ORC3: variants seen among roughly 807,000 people sequenced by gnomAD.
ORC3 encodes origin recognition complex subunit 3.
A neutral mutation model predicts 100.7 loss-of-function variants in ORC3; 78 were observed. That is an observed-to-expected ratio of 0.77 (90% CI 0.65 to 0.94). The LOEUF (loss-of-function observed/expected upper bound fraction) is 0.94, where lower values mean the gene tolerates loss of function less well. Ranked by LOEUF, ORC3 falls within the 40% of genes least tolerant of loss-of-function variation. ORC3 has a pLI of 0.00. For missense variants in ORC3, 789 were observed against 823.9 expected, an observed-to-expected ratio of 0.96 and a Z score of 0.52; for synonymous variants, 295 against 289.3, an observed-to-expected ratio of 1.02 and a Z score of -0.20.
At chr6:87,651,261 T>C (rs1474673517) in intron 13 of ORC3, 1 of 456,274 alleles carries the variant, frequency 2.2e-6, no homozygotes, top group Non-Finnish European at 4.4e-6. Context: ...AGCTAATCCT[T>C]CACATGCTGC....
rs1002442019 is a variant in ORC3 at position 87,663,211 on chromosome 6, A to G, written c.1833+67A>G. The G allele has an allele frequency of 4.8e-6, 6 of 1,239,548 alleles. No individual in the cohort carries two copies. In the African/African-American group the frequency reaches 8.8e-5, roughly 18 times the overall value. 76.8% of individuals were successfully genotyped at this position (1,239,548 alleles called of 1,614,324 possible). On this transcript the variant is annotated intron_variant, in intron 17 of 19. Transcript: ENST00000392844. ...CTGGGCGTCATTGTCATAAAAATATACTAAATTTGCAGTTATGTTTTAATG... is the reference window on the plus strand; with the variant it reads ...CTGGGCGTCATTGTCATAAAAATATGCTAAATTTGCAGTTATGTTTTAATG...
At chr6:87,622,742 AATTAT>A (rs1391731257) in intron 11 of ORC3, among the ~76,000 whole-genome samples, 8 of 152,160 alleles carry the variant, frequency 5.3e-5, no homozygotes, top group Admixed American at 3.3e-4. Flanking sequence ...ACATACAAGT[AATTAT>A]ATTATATTTT....
chr6:87,653,305 T>C, intron 14 of ORC3, 56 bp downstream of exon 14: 1 of 1,553,152 alleles, frequency 6.4e-7, no homozygotes, highest in South Asian at 1.2e-5. Context: ...TTAACTAAAA[T>C]GGCATGGAAA....
rs188315277 is a variant in ORC3 at position 87,594,736 on chromosome 6, G to T, written c.79+329G>T. ...ACTTTAGAAATGAAAGTGAGTTTCT[G>T]CTAGAGAAACATTTTGATCCTTGAT... On this transcript the variant is annotated intron_variant, in intron 2 of 19. Transcript: ENST00000392844. 2.4e-3 allele frequency: 534 copies of T among 221,370 alleles called. 1 individual carries two copies. Among genetic ancestry groups the T allele is most frequent in the African/African-American group, 0.011 (493 of 43,560 alleles). 13.7% of individuals were successfully genotyped at this position (221,370 alleles called of 1,614,324 possible). A position where few individuals can be genotyped will look rare whatever the true frequency, so the allele number is the denominator to read the frequency against.
At chr6:87,643,544 C>T (rs7757953) in intron 13 of ORC3, among the ~76,000 whole-genome samples, 3,837 of 152,110 alleles carry the variant, frequency 0.025, 79 homozygotes, top group Non-Finnish European at 0.042. Context: ...AACTGGACTG[C>T]GGTATTCCGC....
chr6:87,607,652 C>T, intron 5 of ORC3, 21 bp from the exon 6 acceptor site: 2 of 1,559,798 alleles, frequency 1.3e-6, no homozygotes, highest in Non-Finnish European at 1.7e-6. Flanking sequence ...GATAAGCTTT[C>T]TTACTTTTTA....
intron 11 of ORC3, among the ~76,000 whole-genome samples, chr6:87,633,221 C>A (rs114380192): frequency 2.4e-3 from 373 of 152,272 alleles, no homozygotes; most frequent in African/African-American, 7.6e-3. Flanking sequence ...TCAAAATATT[C>A]CCCCTGTTTA....
intron 13 of ORC3, among the ~76,000 whole-genome samples, chr6:87,642,707 C>T (rs1427731418): frequency 2.6e-5 from 4 of 151,368 alleles, no homozygotes; most frequent in African/African-American, 9.7e-5. Flanking sequence ...TTGAGACCAT[C>T]CTGGCTAACA....
At chr6:87,652,123 C>T (rs1769324530) in intron 13 of ORC3, among the ~76,000 whole-genome samples, 1 of 152,160 alleles carries the variant, frequency 6.6e-6, no homozygotes, top group Admixed American at 6.5e-5. Flanking sequence ...TGGTCTTGAT[C>T]TCCTGACCTC....
At chr6:87,606,942 G>A (rs976801711) in intron 5 of ORC3, among the ~76,000 whole-genome samples, 4 of 152,120 alleles carry the variant, frequency 2.6e-5, no homozygotes, top group Admixed American at 1.3e-4. Context: ...TTGAAATTAA[G>A]TAAAAGCCCT....
At chr6:87,603,098 G>C (rs1347482624) in intron 3 of ORC3, among the ~76,000 whole-genome samples, 4 of 150,238 alleles carry the variant, frequency 2.7e-5, no homozygotes, top group Non-Finnish European at 5.9e-5. Flanking sequence ...TCTCACCTCA[G>C]CTTCCCTAGA....
intron 13 of ORC3, among the ~76,000 whole-genome samples, chr6:87,649,230 A>G (rs1001150748): frequency 6.6e-6 from 1 of 152,194 alleles, no homozygotes; most frequent in Non-Finnish European, 1.5e-5. Flanking sequence ...CTGATTTGAA[A>G]TGCTATCCCT....
At chr6:87,660,282 C>G (rs967992028) in intron 16 of ORC3, among the ~76,000 whole-genome samples, 4 of 152,162 alleles carry the variant, frequency 2.6e-5, no homozygotes, top group Admixed American at 6.6e-5. Context: ...GATTTAGTGT[C>G]TTTACCAAGA....
intron 6 of ORC3, 85 bp downstream of exon 6, chr6:87,607,909 T>C: frequency 3.4e-6 from 3 of 875,582 alleles, no homozygotes; most frequent in Non-Finnish European, 5.2e-6. Context: ...ACTGTTTTGA[T>C]CTAACAAGGA....
intron 13 of ORC3, among the ~76,000 whole-genome samples, chr6:87,640,103 A>G (rs1422238125): frequency 6.6e-6 from 1 of 151,614 alleles, no homozygotes; most frequent in Non-Finnish European, 1.5e-5. Context: ...TAGTGGTGGG[A>G]AACCCTTATC....
At position 87,605,936 on chromosome 6, in the gene ORC3, T is replaced by C. The variant is rs1449121444; in HGVS notation, c.342T>C (p.His114=). 1.3e-6 allele frequency: 2 copies of C among 1,592,610 alleles called. No individual in the cohort carries two copies. Among genetic ancestry groups the C allele is most frequent in the Non-Finnish European group, 1.7e-6 (2 of 1,160,946 alleles). ...ALVLGVNVTD[H]DLTFGSLTEA... Reference sequence around the variant, plus strand: ...TCATAGGTGTGAATGTCACAGATCATGATTTGACATTCGGAAGTCTAACAG... The same window carrying C: ...TCATAGGTGTGAATGTCACAGATCACGATTTGACATTCGGAAGTCTAACAG... The change falls in exon 5 of 20, where the codon CAT becomes CAC. Residue 114 remains histidine, a synonymous_variant. Coordinates refer to ENST00000392844, the MANE Select transcript of ORC3 (RefSeq NM_012381.4).
chr6:87,657,975 G>C lies in ORC3; in HGVS notation c.1648G>C (p.Val550Leu), dbSNP rs760618481. The change falls in exon 16 of 20, where the codon GTA (valine) becomes CTA (leucine). Residue 550 changes from valine (V) to leucine (L), a missense_variant. Val to Leu is a conservative substitution (Grantham distance 32). Coordinates refer to ENST00000392844, the MANE Select transcript of ORC3 (RefSeq NM_012381.4). ...RRSKKQTKFE[V>L]LRENVVNFID... The stretch of plus-strand genomic sequence containing the variant: ...AAGTAAGAAGCAAACCAAATTTGAA[G>C]TACTCAGAGAAAATGTTGTGAACTT... The C allele has an allele frequency of 1.2e-6, 2 of 1,605,890 alleles. No individual in the cohort carries two copies. Among genetic ancestry groups the C allele is most frequent in the Non-Finnish European group, 1.7e-6 (2 of 1,172,930 alleles).
chr6:87,675,756 T>A, the ORC3 span: 1 of 1,458,208 alleles, frequency 6.9e-7, no homozygotes, highest in South Asian at 1.2e-5. Context: ...ACATTCTCAG[T>A]AATTTTGTTG....
Position 87,657,960 on chromosome 6 carries a change from C to G in ORC3, c.1633C>G (p.Gln545Glu). 6.2e-7 allele frequency: 1 copy of G among 1,602,950 alleles called. No homozygotes were observed. ...EMKELRRSKK[Q>E]TKFEVLRENV... ...GAAGGAGTTAAGAAGAAGTAAGAAG[C>G]AAACCAAATTTGAAGTACTCAGAGA... The change falls in exon 16 of 20, where the codon CAA becomes GAA. Residue 545 changes from glutamine (Q) to glutamate (E), a missense_variant. Around this residue, in one of 3 missense-constraint regions of ORC3, gnomAD observed 366 missense variants for 394.2 expected, o/e 0.93. Coordinates refer to ENST00000392844, the MANE Select transcript of ORC3 (RefSeq NM_012381.4).
Sources: gnomAD v4.1 joint callset for allele counts (sites outside exome capture counted in the v4.1 genomes callset) on GRCh38, gnomAD v4.1.1 for gene constraint, gnomAD v4.1.1 regional missense constraint, MANE v1.5 for transcripts, NCBI Gene and HGNC (gene_info 2026-07-23, HGNC 2026-07-21) for gene names.